SF3A1: variants seen among roughly 807,000 people sequenced by gnomAD.
SF3A1 encodes the protein splicing factor 3a subunit 1, also known as SAP 114.
A neutral mutation model predicts 89.9 loss-of-function variants in SF3A1; 13 were observed. The ratio of observed to expected loss-of-function variants is 0.14; its 90% CI spans 0.09 to 0.23. The LOEUF (loss-of-function observed/expected upper bound fraction) is 0.23, where lower values mean the gene tolerates loss of function less well. Among genes scored for constraint, SF3A1 ranks in the 10% least tolerant of loss-of-function variants. SF3A1 has a pLI of 1.00. For missense variants in SF3A1, 604 were observed against 1,022.1 expected, an observed-to-expected ratio of 0.59 and a Z score of 5.58; for synonymous variants, 405 against 374.4, an observed-to-expected ratio of 1.08 and a Z score of -0.94.
chr22:30,344,160 G>T (rs1231106450), intron 4 of SF3A1, among the ~76,000 whole-genome samples: 1 of 151,738 alleles, frequency 6.6e-6, no homozygotes. Context: ...GAGTAAAAAT[G>T]CCAGAGCTCA....
At chr22:30,348,469 T>C (rs1201388881) in intron 2 of SF3A1, among the ~76,000 whole-genome samples, 2 of 152,104 alleles carry the variant, frequency 1.3e-5, no homozygotes, top group African/African-American at 4.8e-5. Flanking sequence ...CAAAATGAAA[T>C]TTCACCTCTG....
intron 2 of SF3A1, 97 bp from the exon 3 acceptor site, chr22:30,346,616 A>T: frequency 7.1e-7 from 1 of 1,399,310 alleles, no homozygotes; most frequent in South Asian, 1.3e-5. Flanking sequence ...GCCACCACCC[A>T]CTGCTCAAAC....
chr22:30,335,639 G>A lies in SF3A1; in HGVS notation c.2208+13C>T, dbSNP rs757690893. 1.9e-5 allele frequency: 31 copies of A among 1,613,124 alleles called. No individual in the cohort carries two copies. In the Admixed American group the frequency reaches 2.5e-4, roughly 13 times the overall value. ...CCCATGCACCTGATGCCAGTTTCTG[G>A]CAGTACCCATACCTGGTCCGTGAGT... On this transcript the variant is annotated intron_variant, in intron 14 of 15. Transcript: ENST00000215793.
chr22:30,348,499 T>A (rs1931487517), intron 2 of SF3A1, among the ~76,000 whole-genome samples: 1 of 152,060 alleles, frequency 6.6e-6, no homozygotes, highest in Non-Finnish European at 1.5e-5. Flanking sequence ...ATTTTTTAAA[T>A]TTTTTTTAAG....
intron 7 of SF3A1, among the ~76,000 whole-genome samples, chr22:30,341,137 C>T (rs957620174): frequency 2.1e-4 from 32 of 152,278 alleles, no homozygotes; most frequent in Middle Eastern, 6.8e-3. Context: ...GGCGAGTCGC[C>T]AATCAATGGT....
rs1006554258 is a variant in SF3A1, at chr22:30,340,756, C to T, written c.1128G>A (p.Met376Ile). 3.7e-6 allele frequency: 6 copies of T among 1,602,688 alleles called. No individual in the cohort carries two copies. Among genetic ancestry groups the T allele is most frequent in the Non-Finnish European group, 5.1e-6 (6 of 1,175,496 alleles). The change falls in exon 8 of 16, where the codon ATG (methionine) becomes ATA (isoleucine). Residue 376 changes from methionine (M) to isoleucine (I), a missense_variant. Coordinates refer to ENST00000215793, the MANE Select transcript of SF3A1 (RefSeq NM_005877.6). Reference sequence around the variant, plus strand: ...CTGGAGTTGGGGGCAGAGGTGGAGGCATGGGTGTCTCTGGGGGTGGGGGCA... The same window carrying T: ...CTGGAGTTGGGGGCAGAGGTGGAGGTATGGGTGTCTCTGGGGGTGGGGGCA... ...QKVPPPPETP[M>I]PPPLPPTPDQ... is the part of the protein sequence containing the mutation.
At chr22:30,349,214 T>C (rs1931510262) in intron 2 of SF3A1, among the ~76,000 whole-genome samples, 1 of 152,256 alleles carries the variant, frequency 6.6e-6, no homozygotes, top group African/African-American at 2.4e-5. Context: ...CACAGAGTTC[T>C]GCATGCCTGC....
At chr22:30,353,489 C>G (rs140122147) in intron 1 of SF3A1, among the ~76,000 whole-genome samples, 2 of 152,212 alleles carry the variant, frequency 1.3e-5, no homozygotes, top group East Asian at 3.8e-4. Context: ...TTGGTGCCAC[C>G]ACCTGGCCCT....
Position 30,342,722 on chromosome 22 carries a change from A to G in SF3A1, c.726+83T>C. 4 of 914,596 alleles carry G rather than the reference A, an allele frequency of 4.4e-6. No individual in the cohort carries two copies. In the South Asian group the frequency reaches 5.3e-5, roughly 12 times the overall value. The allele number at this position is 914,596 out of a possible 1,614,324, so 56.7% of individuals were successfully genotyped here. A position where few individuals can be genotyped will look rare whatever the true frequency, so the allele number is the denominator to read the frequency against. ...CCATTCCCATGACTGGAACATAACA[A>G]GGTCCTGCCTCAGAGACTGTTTTCA... On this transcript the variant is annotated intron_variant, in intron 5 of 15. Coordinates refer to ENST00000215793, the MANE Select transcript of SF3A1 (RefSeq NM_005877.6).
chr22:30,356,587 C>T, intron 1 of SF3A1, 143 bp downstream of exon 1: 1 of 612,018 alleles, frequency 1.6e-6, no homozygotes, highest in South Asian at 4.4e-5. Flanking sequence ...ACCAGAACAC[C>T]ACCATAGCGC....
intron 5 of SF3A1, 199 bp from the exon 6 acceptor site, chr22:30,342,549 T>C: frequency 4.6e-6 from 3 of 656,476 alleles, no homozygotes; most frequent in Non-Finnish European, 7.7e-6. Flanking sequence ...TCTGATCTGC[T>C]TGGGAGCTGG....
chr22:30,338,668 T>C lies in SF3A1; in HGVS notation c.1743+121A>G, dbSNP rs181371931. 31 of 1,283,870 alleles carry C rather than the reference T, an allele frequency of 2.4e-5. No individual in the cohort carries two copies. The East Asian group carries it at 7.0e-4, about 29-fold the overall frequency. The allele number at this position is 1,283,870 out of a possible 1,614,324, so 79.5% of individuals were successfully genotyped here. A position where few individuals can be genotyped will look rare whatever the true frequency, so the allele number is the denominator to read the frequency against. On this transcript the variant is annotated intron_variant, in intron 11 of 15. Coordinates refer to ENST00000215793, the MANE Select transcript of SF3A1 (RefSeq NM_005877.6). Reference sequence around the variant, plus strand: ...TTGCATTTAAAGGGCTCTTTCTCTTTCAAACTGACCCACCCAACACTCAGG... The same window carrying C: ...TTGCATTTAAAGGGCTCTTTCTCTTCCAAACTGACCCACCCAACACTCAGG...
chr22:30,344,536 G>A (rs375746446), intron 4 of SF3A1, among the ~76,000 whole-genome samples: 1 of 152,150 alleles, frequency 6.6e-6, no homozygotes, highest in African/African-American at 2.4e-5. Context: ...AACATGGGGG[G>A]AAAACACCTC....
At chr22:30,349,606 A>T (rs1183941917) in intron 2 of SF3A1, among the ~76,000 whole-genome samples, 1 of 151,634 alleles carries the variant, frequency 6.6e-6, no homozygotes, top group African/African-American at 2.4e-5. Flanking sequence ...TGCCTACAAA[A>T]GCAATCACCA....
intron 1 of SF3A1, among the ~76,000 whole-genome samples, chr22:30,353,475 G>C (rs1055890913): frequency 6.6e-6 from 1 of 152,156 alleles, no homozygotes; most frequent in South Asian, 2.1e-4. Context: ...ATAGCTAGAC[G>C]ACCTTGGTGC....
chr22:30,334,576 A>C lies in SF3A1; in HGVS notation c.*18T>G. ...GGAGAGGCAAAATGGCAGGGACTTG[A>C]CAGCAGGTTCCTCTTGTCTACTTCT... is the stretch of plus-strand genomic sequence containing the variant. On this transcript the variant is annotated 3_prime_UTR_variant, in exon 16 of 16. Coordinates refer to ENST00000215793, the MANE Select transcript of SF3A1 (RefSeq NM_005877.6). 6.6e-7 allele frequency: 1 copy of C among 1,520,704 alleles called. No individual in the cohort carries two copies. The allele number at this position is 1,520,704 out of a possible 1,614,324, so 94.2% of individuals were successfully genotyped here.
chr22:30,352,898 G>A, intron 2 of SF3A1, 53 bp downstream of exon 2: 1 of 1,605,254 alleles, frequency 6.2e-7, no homozygotes, highest in Admixed American at 1.7e-5. Context: ...ATTCAGTGCT[G>A]AAGTCTCTTC....
Position 30,346,456 on chromosome 22 carries a change from A to G in SF3A1, c.249T>C (p.Phe83=). 3 of 1,614,098 alleles carry G rather than the reference A, an allele frequency of 1.9e-6. No individual in the cohort carries two copies. The highest frequency in any genetic ancestry group is 2.5e-6 in the Non-Finnish European group (3 of 1,180,016). Residue 83 remains phenylalanine, a synonymous_variant, in exon 3 of 16, where the codon TTT becomes TTC. Transcript: ENST00000215793. The part of the protein sequence containing the change: ...QNEINNPKFN[F]LNPNDPYHAY... ...CATGGTAAGGGTCATTGGGGTTCAG[A>G]AAGTTGAACTTGGGGTTGTTGATCT... is the stretch of plus-strand genomic sequence containing the variant.
intron 4 of SF3A1, among the ~76,000 whole-genome samples, chr22:30,344,064 A>C (rs1931345653): frequency 6.6e-6 from 1 of 152,214 alleles, no homozygotes; most frequent in Admixed American, 6.5e-5. Flanking sequence ...ATAAATTAAT[A>C]ATCTGATTAT....
Sources: allele counts gnomAD v4.1 joint callset (sites outside exome capture counted in the v4.1 genomes callset), GRCh38; gene constraint gnomAD v4.1.1; transcripts MANE v1.5; gene names NCBI Gene and HGNC (gene_info 2026-07-23, HGNC 2026-07-21).